Variants in PLCH1 observed in about 807,000 individuals in gnomAD.
PLCH1 encodes 1-phosphatidylinositol 4,5-bisphosphate phosphodiesterase eta-1.
A neutral mutation model predicts 126.7 loss-of-function variants in PLCH1; 60 were observed. The observed-to-expected ratio is 0.47, with a 90% CI of 0.38 to 0.59. PLCH1 has a LOEUF of 0.59. Ranked by LOEUF, PLCH1 falls within the 20% of genes least tolerant of loss-of-function variation. PLCH1 has a pLI of 0.00. For missense variants in PLCH1, 1,723 were observed against 2,040.0 expected, an observed-to-expected ratio of 0.84 and a Z score of 2.99; for synonymous variants, 719 against 734.9, an observed-to-expected ratio of 0.98 and a Z score of 0.35.
chr3:155,673,414 T>G (rs190865703), intron 2 of PLCH1, among the ~76,000 whole-genome samples: 1 of 152,252 alleles, frequency 6.6e-6, no homozygotes, highest in East Asian at 1.9e-4. Flanking sequence ...CTATCTCTAT[T>G]AATTGTACCC....
chr3:155,482,020 C>T lies in PLCH1; in HGVS notation c.4006G>A (p.Val1336Ile), dbSNP rs1375287974. 1.9e-6 allele frequency: 3 copies of T among 1,614,034 alleles called. No individual in the cohort carries two copies. Among genetic ancestry groups the T allele is most frequent in the Admixed American group, 3.3e-5 (2 of 60,008 alleles). ...AAACAGAGAGTGGGATCAGCTATTA[C>T]ATCCTCCAGGGTCAAATCAGGGGAA... ...ASSPDLTLED[V>I]IADPTLCFNS... The change falls in exon 23 of 23, where the codon GTA (valine) becomes ATA (isoleucine). Residue 1336 changes from valine (V) to isoleucine (I), a missense_variant. Around this residue, in one of 2 missense-constraint regions of PLCH1, gnomAD observed 947 missense variants for 977.1 expected, o/e 0.97. Transcript: ENST00000460012.
At chr3:155,659,111 A>G (rs1464144012) in intron 2 of PLCH1, among the ~76,000 whole-genome samples, 2 of 152,076 alleles carry the variant, frequency 1.3e-5, no homozygotes, top group Admixed American at 6.5e-5. Context: ...GTAACGGGGA[A>G]CCAAGACATC....
At chr3:155,503,537 C>CT (rs57141788) in intron 13 of PLCH1, among the ~76,000 whole-genome samples, 48,532 of 144,192 alleles carry the variant, frequency 0.34, 10,413 homozygotes, top group African/African-American at 0.6. Flanking sequence ...TTACTTCTGT[C>CT]TTTTTTTTTT....
At chr3:155,596,507 A>G (rs359570) in intron 2 of PLCH1, 129 bp from the exon 3 acceptor site, 377,154 of 583,544 alleles carry the variant, frequency 0.65, 126,737 homozygotes, top group Middle Eastern at 0.72. Flanking sequence ...AATTTGGTAG[A>G]GGTAATCTGA....
At chr3:155,526,731 G>T (rs1034639577) in intron 10 of PLCH1, among the ~76,000 whole-genome samples, 3 of 152,152 alleles carry the variant, frequency 2.0e-5, no homozygotes, top group African/African-American at 2.4e-5. Flanking sequence ...GAGAGACCCT[G>T]AGCAGAGGAC....
intron 1 of PLCH1, among the ~76,000 whole-genome samples, chr3:155,731,348 C>T (rs1468843574): frequency 3.3e-5 from 5 of 152,190 alleles, no homozygotes; most frequent in African/African-American, 1.2e-4. Context: ...AAGTCCAATT[C>T]CCACAAACAA....
At chr3:155,570,831 T>C (rs1346839104) in intron 6 of PLCH1, among the ~76,000 whole-genome samples, 1 of 152,242 alleles carries the variant, frequency 6.6e-6, no homozygotes, top group East Asian at 1.9e-4. Context: ...CTTTTAAAAC[T>C]GATAGGTGTT....
chr3:155,614,626 G>A (rs1306575514), intron 2 of PLCH1, among the ~76,000 whole-genome samples: 2 of 152,100 alleles, frequency 1.3e-5, no homozygotes, highest in East Asian at 1.9e-4. Flanking sequence ...CAGAAAGAAA[G>A]CCAAATATTT....
At chr3:155,512,257 C>T (rs2108223334) in intron 12 of PLCH1, among the ~76,000 whole-genome samples, 1 of 152,302 alleles carries the variant, frequency 6.6e-6, no homozygotes, top group South Asian at 2.1e-4. Context: ...CTATCACCAA[C>T]TTTGACCTCT....
chr3:155,486,595 G>A (rs886566467), intron 21 of PLCH1, among the ~76,000 whole-genome samples: 3 of 148,588 alleles, frequency 2.0e-5, no homozygotes, highest in African/African-American at 5.0e-5. Context: ...CGCAATCTCG[G>A]CTCACTGCAA....
At chr3:155,654,750 G>A (rs1741157266) in intron 2 of PLCH1, among the ~76,000 whole-genome samples, 1 of 152,108 alleles carries the variant, frequency 6.6e-6, no homozygotes, top group African/African-American at 2.4e-5. Context: ...TGGTCTCCCT[G>A]TCTCCTCTCA....
chr3:155,482,421 G>C lies in PLCH1; in HGVS notation c.3605C>G (p.Ala1202Gly), dbSNP rs150900451. 5.0e-6 allele frequency: 8 copies of C among 1,614,012 alleles called. No homozygotes were observed. The highest frequency in any genetic ancestry group is 6.8e-6 in the Non-Finnish European group (8 of 1,180,012). ...IGQFDETNNQ[A>G]LTVVSHLHNT... is the part of the protein sequence containing the mutation. The stretch of plus-strand genomic sequence containing the variant: ...ATGAAGATGAGAAACAACTGTGAGA[G>C]CCTGATTGTTGGTCTCATCAAACTG... Residue 1202 changes from alanine (A) to glycine (G), a missense_variant, in exon 23 of 23, where the codon GCT (alanine) becomes GGT (glycine). Physicochemically the swap from Ala to Gly is moderately conservative, Grantham distance 60. This residue lies in a region of PLCH1 where 947 missense variants were observed against 977.1 expected (regional missense o/e 0.97). Coordinates refer to ENST00000460012, the MANE Select transcript of PLCH1 (RefSeq NM_014996.4).
At chr3:155,560,553 G>A (rs1185799879) in intron 8 of PLCH1, among the ~76,000 whole-genome samples, 1 of 152,124 alleles carries the variant, frequency 6.6e-6, no homozygotes, top group Admixed American at 6.6e-5. Context: ...TAATGTTTCT[G>A]TATGCAGGTA....
intron 11 of PLCH1, among the ~76,000 whole-genome samples, chr3:155,521,739 G>T (rs1266043939): frequency 6.6e-6 from 1 of 152,104 alleles, no homozygotes; most frequent in Non-Finnish European, 1.5e-5. Context: ...TCTAAACACG[G>T]CATTGCCTTT....
rs544111197 is a variant in PLCH1 at position 155,568,238 on chromosome 3, G to C, written c.858C>G (p.Gly286=). 1.1e-5 allele frequency: 15 copies of C among 1,351,240 alleles called. No homozygotes were observed. In the African/African-American group the frequency reaches 2.1e-4, roughly 19 times the overall value. 83.7% of individuals were successfully genotyped at this position (1,351,240 alleles called of 1,614,324 possible). A position where few individuals can be genotyped will look rare whatever the true frequency, so the allele number is the denominator to read the frequency against. The change falls in exon 7 of 23, where the codon GGC becomes GGG. Residue 286 remains glycine (G), a synonymous_variant. Coordinates refer to ENST00000460012, the MANE Select transcript of PLCH1 (RefSeq NM_014996.4). ...GAATATTGGTTATTTTACCTTCTATGCCAAGAACATTTTTCACCTTATTTT... is the reference window on the plus strand; with the variant it reads ...GAATATTGGTTATTTTACCTTCTATCCCAAGAACATTTTTCACCTTATTTT... ...SEENKVKNVL[G]IEGFTNFMRS...
At chr3:155,511,778 G>C (rs913715917) in intron 12 of PLCH1, among the ~76,000 whole-genome samples, 4 of 150,030 alleles carry the variant, frequency 2.7e-5, no homozygotes, top group African/African-American at 9.9e-5. Flanking sequence ...GGACACTTAA[G>C]TCTGCAGAGG....
chr3:155,520,758 C>T (rs1216580541), intron 11 of PLCH1, among the ~76,000 whole-genome samples: 1 of 152,226 alleles, frequency 6.6e-6, no homozygotes, highest in Non-Finnish European at 1.5e-5. Context: ...GGTCACTGAA[C>T]ACACTGGCTT....
intron 4 of PLCH1, 26 bp from the exon 5 acceptor site, chr3:155,586,220 T>C (rs779531715): frequency 1.9e-6 from 3 of 1,609,372 alleles, no homozygotes; most frequent in Non-Finnish European, 2.5e-6. Context: ...AGAAAACACC[T>C]GTGCTCTCAT....
At chr3:155,693,471 CAAA>C (rs1227159940) in intron 2 of PLCH1, among the ~76,000 whole-genome samples, 1 of 10,354 alleles carries the variant, frequency 9.7e-5, no homozygotes, top group Non-Finnish European at 1.3e-4. Context: ...GACTCCGTCT[CAAA>C]AAAAAAAAAA....
Sources: gnomAD v4.1 joint callset for allele counts (sites outside exome capture counted in the v4.1 genomes callset) on GRCh38, gnomAD v4.1.1 for gene constraint, gnomAD v4.1.1 regional missense constraint, MANE v1.5 for transcripts, NCBI Gene and HGNC (gene_info 2026-07-23, HGNC 2026-07-21) for gene names.